CDH12: variants seen among roughly 807,000 people sequenced by gnomAD.
The protein encoded by CDH12 is cadherin-12.
Under a neutral mutation model 74.1 loss-of-function variants are expected in CDH12, and 41 were observed. That is an observed-to-expected ratio of 0.55 (90% CI 0.43 to 0.72). CDH12 has a LOEUF of 0.72. CDH12 is among the 30% of genes least tolerant of loss of function. The probability of loss-of-function intolerance (pLI) is 0.00; values close to 1 mark genes in which losing one functional copy is unlikely to be tolerated. For missense variants in CDH12, 945 were observed against 977.2 expected (o/e 0.97, Z 0.44); for synonymous variants, 399 against 355.0 (o/e 1.12, Z -1.39).
At chr5:22,653,418 C>T (rs1739843704) in intron 1 of CDH12, among the ~76,000 whole-genome samples, 1 of 151,504 alleles carries the variant, frequency 6.6e-6, no homozygotes, top group Non-Finnish European at 1.5e-5. Flanking sequence ...AGGCCCACGA[C>T]GGAGCCATCG....
intron 1 of CDH12, among the ~76,000 whole-genome samples, chr5:22,589,081 C>T (rs1425432034): frequency 6.6e-6 from 1 of 152,142 alleles, no homozygotes; most frequent in Admixed American, 6.5e-5. Context: ...TGGGAACAGG[C>T]TTGGCTGTTC....
chr5:22,033,313 A>G (rs1486721213), intron 5 of CDH12, among the ~76,000 whole-genome samples: 1 of 152,180 alleles, frequency 6.6e-6, no homozygotes, highest in Admixed American at 6.5e-5. Flanking sequence ...GTTTCTCCAC[A>G]ATTATTTAGA....
At chr5:22,035,074 A>G (rs75845158) in intron 5 of CDH12, among the ~76,000 whole-genome samples, 2,721 of 152,294 alleles carry the variant, frequency 0.018, 40 homozygotes, top group African/African-American at 0.04. Context: ...TGTGGTTTCT[A>G]AGAACGTGTC....
In CDH12 at chr5:22,117,511, T is replaced by A. The variant is rs867058074; in HGVS notation, c.-186-38649A>T. Among the ~76,000 whole-genome samples the A allele has an allele frequency of 2.7e-3, 136 of 50,466 alleles. 3 individuals carry two copies. Among genetic ancestry groups the A allele is most frequent in the African/African-American group, 0.011 (122 of 11,078 alleles). 33.1% of individuals were successfully genotyped at this position (50,466 alleles called of 152,430 possible). A position where few individuals can be genotyped will look rare whatever the true frequency, so the allele number is the denominator to read the frequency against. ...ATATTATATATATATAATATATATA[T>A]AATATATATATAATATATATATATA... On this transcript the variant is annotated intron_variant, in intron 4 of 14. Coordinates refer to ENST00000382254, the MANE Select transcript of CDH12 (RefSeq NM_004061.5).
chr5:21,898,982 T>C (rs2150051984), intron 6 of CDH12, among the ~76,000 whole-genome samples: 1 of 152,290 alleles, frequency 6.6e-6, no homozygotes, highest in East Asian at 1.9e-4. Flanking sequence ...ACACAATTTC[T>C]CCTGCTTTCC....
chr5:22,579,710 A>C (rs576005074), intron 1 of CDH12, among the ~76,000 whole-genome samples: 1 of 152,212 alleles, frequency 6.6e-6, no homozygotes, highest in Non-Finnish European at 1.5e-5. Flanking sequence ...GTGTTAGAGC[A>C]GAAAATAAAT....
At chr5:22,190,345 CATCT>C (rs1424172480) in intron 4 of CDH12, among the ~76,000 whole-genome samples, 26 of 146,208 alleles carry the variant, frequency 1.8e-4, no homozygotes, top group Non-Finnish European at 3.5e-4. Context: ...TTCATGCCTC[CATCT>C]GTCTGTCTGT....
chr5:21,854,489 A>C (rs555486815), intron 7 of CDH12, among the ~76,000 whole-genome samples, 182 bp downstream of exon 7: 1 of 151,752 alleles, frequency 6.6e-6, no homozygotes, highest in Non-Finnish European at 1.5e-5. Context: ...ATTTTACACA[A>C]AGTTCACTTA....
At chr5:22,503,335 T>C (rs995174849) in intron 2 of CDH12, among the ~76,000 whole-genome samples, 1 of 152,078 alleles carries the variant, frequency 6.6e-6, no homozygotes, top group Admixed American at 6.6e-5. Flanking sequence ...GGTAACATCA[T>C]AAACAGGCTC....
intron 4 of CDH12, among the ~76,000 whole-genome samples, chr5:22,123,464 G>A (rs905482432): frequency 1.3e-5 from 2 of 152,052 alleles, no homozygotes; most frequent in South Asian, 2.1e-4. Flanking sequence ...TGACTAATTC[G>A]GGAAGTCAAG....
intron 4 of CDH12, among the ~76,000 whole-genome samples, chr5:22,146,483 A>G (rs1030856824): frequency 1.7e-4 from 26 of 152,152 alleles, no homozygotes; most frequent in African/African-American, 5.8e-4. Flanking sequence ...TAAGTTAAAA[A>G]TAGAAGATAG....
intron 3 of CDH12, among the ~76,000 whole-genome samples, chr5:22,214,802 C>G (rs570199237): frequency 4.4e-4 from 67 of 152,292 alleles, no homozygotes; most frequent in Non-Finnish European, 9.1e-4. Flanking sequence ...TGAGACTGCC[C>G]TGATGACATT....
intron 3 of CDH12, among the ~76,000 whole-genome samples, chr5:22,255,559 A>C (rs897760067): frequency 1.9e-4 from 29 of 151,752 alleles, no homozygotes; most frequent in Admixed American, 5.3e-4. Flanking sequence ...CATAAAGATT[A>C]CTAGAAAAAT....
chr5:22,749,585 T>C (rs61639434), intron 1 of CDH12, among the ~76,000 whole-genome samples: 2,553 of 152,266 alleles, frequency 0.017, 75 homozygotes, highest in African/African-American at 0.058. Context: ...AAATTGGTAT[T>C]ACTAGCATGA....
chr5:22,051,893 T>C (rs1176915848), intron 5 of CDH12, among the ~76,000 whole-genome samples: 1 of 152,152 alleles, frequency 6.6e-6, no homozygotes, highest in Non-Finnish European at 1.5e-5. Context: ...AGCACATAGA[T>C]GATTTAAGAA....
chr5:22,195,347 T>C (rs571845606), intron 4 of CDH12, among the ~76,000 whole-genome samples: 9 of 152,232 alleles, frequency 5.9e-5, no homozygotes, highest in African/African-American at 2.2e-4. Flanking sequence ...TGTGTTATGC[T>C]ATGAAAGGAA....
chr5:22,810,841 C>T (rs542002835), intron 1 of CDH12, among the ~76,000 whole-genome samples: 2 of 152,178 alleles, frequency 1.3e-5, no homozygotes, highest in African/African-American at 4.8e-5. Flanking sequence ...TATGATCGTA[C>T]TCTGTACTCC....
chr5:22,588,836 T>G (rs973539084), intron 1 of CDH12, among the ~76,000 whole-genome samples: 1 of 152,140 alleles, frequency 6.6e-6, no homozygotes, highest in Non-Finnish European at 1.5e-5. Context: ...ACATTCCTTT[T>G]TACTGCCCTG....
At chr5:22,631,721 T>A (rs1410047917) in intron 1 of CDH12, among the ~76,000 whole-genome samples, 1 of 152,310 alleles carries the variant, frequency 6.6e-6, no homozygotes, top group East Asian at 1.9e-4. Flanking sequence ...GATTCTGGCA[T>A]CTGCTTCTGG....
Sources: allele counts gnomAD v4.1 joint callset (sites outside exome capture counted in the v4.1 genomes callset), GRCh38; gene constraint gnomAD v4.1.1; transcripts MANE v1.5; gene names NCBI Gene and HGNC (gene_info 2026-07-23, HGNC 2026-07-21).